SPTAN1: variants seen among roughly 807,000 people sequenced by gnomAD.
SPTAN1 encodes the protein spectrin alpha, non-erythrocytic 1.
SPTAN1 carries 61 observed loss-of-function variants against 331.3 expected under a neutral mutation model. The ratio of observed to expected loss-of-function variants is 0.18; its 90% CI spans 0.15 to 0.23. The LOEUF (loss-of-function observed/expected upper bound fraction) is 0.23, where lower values mean the gene tolerates loss of function less well. SPTAN1 is among the 10% of genes least tolerant of loss of function. The pLI is 1.00. For missense variants in SPTAN1, 2,043 were observed against 3,147.9 expected, an observed-to-expected ratio of 0.65 and a Z score of 8.40; for synonymous variants, 1,153 against 1,173.9, an observed-to-expected ratio of 0.98 and a Z score of 0.36.
At chr9:128,630,528 C>T in intron 52 of SPTAN1, 153 bp downstream of exon 52, 1 of 677,616 alleles carries the variant, frequency 1.5e-6, no homozygotes, top group South Asian at 1.6e-5. Flanking sequence ...TCTTCACTAT[C>T]TCTCTCTCTT....
At chr9:128,617,502 T>C in intron 41 of SPTAN1, 138 bp from the exon 42 acceptor site, 1 of 1,284,246 alleles carries the variant, frequency 7.8e-7, no homozygotes, top group South Asian at 1.3e-5. Context: ...AGTAGAGGCT[T>C]TTGTTGTTCA....
intron 52 of SPTAN1, chr9:128,631,924 C>T (rs1859809361): frequency 8.2e-6 from 5 of 608,894 alleles, no homozygotes; most frequent in Non-Finnish European, 1.2e-5. Context: ...TTGGAACCCT[C>T]ACATTGAAAG....
rs985130726 is a variant in SPTAN1, at chr9:128,579,543, G to A, written c.1222-94G>A. On this transcript the variant is annotated intron_variant, in intron 9 of 56. Transcript: ENST00000372739. ...TTTGTTTCTCATTTTAGATGTCATA[G>A]TCTGGCTTATAATGCTTATGTAAAA... is the stretch of plus-strand genomic sequence containing the variant. The A allele has an allele frequency of 1.5e-5, 14 of 926,766 alleles. No individual in the cohort carries two copies. In the African/African-American group the frequency reaches 2.3e-4, roughly 15 times the overall value. The allele number at this position is 926,766 out of a possible 1,614,324, so 57.4% of individuals were successfully genotyped here. A position where few individuals can be genotyped will look rare whatever the true frequency, so the allele number is the denominator to read the frequency against.
intron 1 of SPTAN1, 94 bp from the exon 2 acceptor site, chr9:128,566,644 T>G (rs1850070163): frequency 5.1e-6 from 8 of 1,567,314 alleles, no homozygotes; most frequent in Middle Eastern, 3.4e-4. Context: ...CCTGGGTTTA[T>G]CTGATAATTA....
chr9:128,584,943 G>T, intron 18 of SPTAN1, 100 bp downstream of exon 18: 1 of 1,392,098 alleles, frequency 7.2e-7, no homozygotes. Flanking sequence ...CAGGCTCTGG[G>T]GCTGAATACC....
intron 21 of SPTAN1, among the ~76,000 whole-genome samples, 189 bp from the exon 22 acceptor site, chr9:128,591,288 C>A (rs10819420): frequency 3.3e-5 from 5 of 152,060 alleles, no homozygotes; most frequent in East Asian, 2.0e-4. Flanking sequence ...GGATGGTCTC[C>A]ATCTCCTGAC....
At position 128,581,856 on chromosome 9, in the gene SPTAN1, T is replaced by C. The variant is rs762887917; in HGVS notation, c.1536T>C (p.Phe512=). 13 of 1,614,052 alleles carry C rather than the reference T, an allele frequency of 8.1e-6. No homozygotes were observed. The Admixed American group carries it at 2.2e-4, about 27-fold the overall frequency. The change falls in exon 12 of 57, where the codon TTT becomes TTC. Residue 512 remains phenylalanine (F), a synonymous_variant. Coordinates refer to ENST00000372739, the MANE Select transcript of SPTAN1 (RefSeq NM_001130438.3). ...CGCTTCTTAAGAAGCACGAAGACTT[T>C]GAGAAATCCCTTAGTGCCCAGGAGG... is the stretch of plus-strand genomic sequence containing the variant. ...VEALLKKHED[F]EKSLSAQEEK...
chr9:128,614,676 C>T (rs972937093), intron 40 of SPTAN1, among the ~76,000 whole-genome samples: 8 of 151,816 alleles, frequency 5.3e-5, no homozygotes, highest in Admixed American at 1.3e-4. Flanking sequence ...GAGGCCGAGG[C>T]GGGAGGTTCA....
At chr9:128,612,740 A>G (rs1037662656) in intron 39 of SPTAN1, among the ~76,000 whole-genome samples, 2 of 152,178 alleles carry the variant, frequency 1.3e-5, no homozygotes, top group African/African-American at 4.8e-5. Flanking sequence ...AGCCTGACCA[A>G]CATAGTGAAA....
At chr9:128,611,122 G>C (rs1856512708) in intron 37 of SPTAN1, among the ~76,000 whole-genome samples, 1 of 152,194 alleles carries the variant, frequency 6.6e-6, no homozygotes, top group African/African-American at 2.4e-5. Context: ...AAAGTGTTAG[G>C]AAGTGTGTAA....
chr9:128,582,954 C>T, intron 14 of SPTAN1, 105 bp downstream of exon 14: 1 of 1,584,922 alleles, frequency 6.3e-7, no homozygotes. Context: ...TCCAGAAACC[C>T]CACTACTTAA....
In SPTAN1 at chr9:128,599,026, AG is replaced by A; in HGVS notation, c.3543+42del. On this transcript the variant is annotated intron_variant, in intron 26 of 56. Coordinates refer to ENST00000372739, the MANE Select transcript of SPTAN1 (RefSeq NM_001130438.3). ...CTGTGTGTGGATCTTGAACATGAGA[AG>A]GACTTAAATCTTGGGAAGAATATCA... The A allele has an allele frequency of 2.5e-6, 4 of 1,603,972 alleles. No individual in the cohort carries two copies. The Middle Eastern group carries it at 6.6e-4, about 265-fold the overall frequency.
chr9:128,627,664 G>A lies in SPTAN1; in HGVS notation c.6689+166G>A. 1 of 795,646 alleles carries A rather than the reference G, an allele frequency of 1.3e-6. No individual in the cohort carries two copies. Among genetic ancestry groups the A allele is most frequent in the South Asian group, 1.5e-5 (1 of 66,362 alleles). 49.3% of individuals were successfully genotyped at this position (795,646 alleles called of 1,614,324 possible). A position where few individuals can be genotyped will look rare whatever the true frequency, so the allele number is the denominator to read the frequency against. On this transcript the variant is annotated intron_variant, in intron 50 of 56. Transcript: ENST00000372739. The surrounding 1 kb of genome is among the most constrained non-coding windows in gnomAD (Gnocchi z 4.9). ...GGTCGGGCTCTGGAGCCGGGAGTGGGGGCATAGGTGGAGCAGCCTCTCAGT... is the reference window on the plus strand; with the variant it reads ...GGTCGGGCTCTGGAGCCGGGAGTGGAGGCATAGGTGGAGCAGCCTCTCAGT...
chr9:128,609,496 G>A lies in SPTAN1; in HGVS notation c.4759-155G>A, dbSNP rs1431411643. On this transcript the variant is annotated intron_variant, in intron 36 of 56. Transcript: ENST00000372739. ...ATTTGTCTCCATTAAAACTATTTCT[G>A]CTGTAATAAAAGTCTATAGAATCCC... 1.0e-5 allele frequency: 10 copies of A among 953,950 alleles called. No individual in the cohort carries two copies. The Admixed American group carries it at 1.4e-4, about 14-fold the overall frequency. The allele number at this position is 953,950 out of a possible 1,614,324, so 59.1% of individuals were successfully genotyped here.
chr9:128,600,260 G>A (rs756318195), intron 27 of SPTAN1, 145 bp downstream of exon 27: 11 of 880,836 alleles, frequency 1.2e-5, no homozygotes, highest in Non-Finnish European at 2.1e-5. Context: ...TTCTGAATCT[G>A]TTAACTCTAA....
At chr9:128,557,528 C>G (rs998596135) in intron 1 of SPTAN1, among the ~76,000 whole-genome samples, 1 of 152,046 alleles carries the variant, frequency 6.6e-6, no homozygotes, top group Non-Finnish European at 1.5e-5. Flanking sequence ...AGCTATATAT[C>G]CCATAAATAC....
intron 1 of SPTAN1, among the ~76,000 whole-genome samples, chr9:128,553,764 TTCA>T (rs1259478123): frequency 1.3e-5 from 2 of 152,334 alleles, no homozygotes; most frequent in Non-Finnish European, 2.9e-5. Flanking sequence ...TTGTTCTGTC[TTCA>T]TCATGTTATT....
In SPTAN1 at chr9:128,627,968, G is replaced by A. The variant is rs1589395960; in HGVS notation, c.6707+26G>A. The A allele has an allele frequency of 6.2e-7, 1 of 1,614,084 alleles. No individual in the cohort carries two copies. The highest frequency in any genetic ancestry group is 8.5e-7 in the Non-Finnish European group (1 of 1,179,978). ...GTTAATATTGTTTTCTTCCTTCTCT[G>A]GGCTTGTCATGTGGGGGTCTCGTGC... On this transcript the variant is annotated intron_variant, in intron 51 of 56. Coordinates refer to ENST00000372739, the MANE Select transcript of SPTAN1 (RefSeq NM_001130438.3). The surrounding 1 kb of genome is among the most constrained non-coding windows in gnomAD (Gnocchi z 4.9).
chr9:128,582,747 G>C lies in SPTAN1; in HGVS notation c.1704G>C (p.Gln568His), dbSNP rs752102155. The stretch of plus-strand genomic sequence containing the variant: ...AGAGAGCCATGCGTCGCCGGGCCCA[G>C]CTAGCCGATTCTTTCCATCTGCAGC... ...LHERAMRRRA[Q>H]LADSFHLQQF... Residue 568 changes from glutamine (Q) to histidine (H), a missense_variant, in exon 14 of 57, where the codon CAG becomes CAC. Transcript: ENST00000372739. 1.2e-6 allele frequency: 2 copies of C among 1,614,056 alleles called. No homozygotes were observed. Among genetic ancestry groups the C allele is most frequent in the South Asian group, 2.2e-5 (2 of 91,088 alleles).
Sources: allele counts gnomAD v4.1 joint callset (sites outside exome capture counted in the v4.1 genomes callset), GRCh38; gene constraint gnomAD v4.1.1; non-coding constraint Gnocchi (gnomAD v3.1); transcripts MANE v1.5; gene names NCBI Gene and HGNC (gene_info 2026-07-23, HGNC 2026-07-21).